Variants in CCNI observed in about 807,000 individuals in gnomAD.
CCNI encodes cyclin I.
A neutral mutation model predicts 34.1 loss-of-function variants in CCNI; 14 were observed. That is an observed-to-expected ratio of 0.41 (90% CI 0.27 to 0.64). The LOEUF is 0.64. Ranked by LOEUF, CCNI falls within the 30% of genes least tolerant of loss-of-function variation. The pLI is 0.31. For missense variants in CCNI, 385 were observed against 440.5 expected (o/e 0.87, Z 1.13); for synonymous variants, 154 against 158.4 (o/e 0.97, Z 0.21).
chr4:77,075,492 C>T lies in CCNI; in HGVS notation c.-64G>A, dbSNP rs1729860170. 2.0e-6 allele frequency: 2 copies of T among 982,730 alleles called. No homozygotes were observed. The highest frequency in any genetic ancestry group is 2.4e-6 in the Non-Finnish European group (2 of 825,812). 60.9% of individuals were successfully genotyped at this position (982,730 alleles called of 1,614,324 possible). A position where few individuals can be genotyped will look rare whatever the true frequency, so the allele number is the denominator to read the frequency against. ...CTCACCTTCTCCTCCTCTTCCTCCT[C>T]CTCCTCCTCCCCGGCAGAGCTGTAG... On this transcript the variant is annotated 5_prime_UTR_variant, in exon 1 of 7. Transcript: ENST00000237654.
Position 77,048,248 on chromosome 4 carries a change from G to A in CCNI, c.1105C>T (p.Pro369Ser), listed in dbSNP as rs1424291196. 2 of 1,613,952 alleles carry A rather than the reference G, an allele frequency of 1.2e-6. No homozygotes were observed. The highest frequency in any genetic ancestry group is 1.7e-5 in the Admixed American group (1 of 59,996). The change falls in exon 7 of 7, where the codon CCA (proline) becomes TCA (serine). Residue 369 changes from proline to serine, a missense_variant. By Grantham distance (74) the Pro-to-Ser change is moderately conservative. Coordinates refer to ENST00000237654, the MANE Select transcript of CCNI (RefSeq NM_006835.3). ...ATGACAGAAACAGGCTGCAAAGGTG[G>A]ACAAGGGGAAGCATGTCCCTCTTGT... is the stretch of plus-strand genomic sequence containing the variant. The part of the protein sequence containing the change: ...SRQEGHASPC[P>S]PLQPVSVM
At chr4:77,074,433 C>T (rs112288302) in intron 1 of CCNI, among the ~76,000 whole-genome samples, 1 of 152,204 alleles carries the variant, frequency 6.6e-6, no homozygotes, top group African/African-American at 2.4e-5. Flanking sequence ...GAAAAGCTAG[C>T]AGCAGATAAC....
chr4:77,063,343 G>GC (rs1728750245), intron 2 of CCNI, among the ~76,000 whole-genome samples: 1 of 74,066 alleles, frequency 1.4e-5, no homozygotes, highest in Non-Finnish European at 2.6e-5. Flanking sequence ...GGAAAGGGAG[G>GC]TAAAAAAAAA....
intron 1 of CCNI, among the ~76,000 whole-genome samples, chr4:77,071,690 AAAG>A (rs1385578426): frequency 2.6e-5 from 4 of 152,204 alleles, no homozygotes; most frequent in Non-Finnish European, 2.9e-5. Flanking sequence ...ACAGAAATAA[AAAG>A]AATTATAAAG....
chr4:77,067,790 T>TAAAAAA (rs375815113), intron 1 of CCNI, among the ~76,000 whole-genome samples: 2 of 98,686 alleles, frequency 2.0e-5, no homozygotes, highest in Non-Finnish European at 2.0e-5. Context: ...CTTCTAGGTT[T>TAAAAAA]AAAAAAAAAA....
rs374754360 is a variant in CCNI, at chr4:77,055,006, T to C, written c.690+144A>G. On this transcript the variant is annotated intron_variant, in intron 6 of 6. Transcript: ENST00000237654. ...AAAAAGAGATCACCTAGCCCGTAAA[T>C]TTAAAATATATACTTTACTCTTGTC... 14 of 561,978 alleles carry C rather than the reference T, an allele frequency of 2.5e-5. No individual in the cohort carries two copies. The East Asian group carries it at 3.6e-4, about 14-fold the overall frequency. The allele number at this position is 561,978 out of a possible 1,614,324, so 34.8% of individuals were successfully genotyped here.
chr4:77,072,158 T>C (rs746502923), intron 1 of CCNI, among the ~76,000 whole-genome samples: 1 of 152,058 alleles, frequency 6.6e-6, no homozygotes, highest in East Asian at 1.9e-4. Flanking sequence ...AAGGATTATA[T>C]ACCATAACCA....
chr4:77,050,457 A>C (rs1441598701), intron 6 of CCNI, among the ~76,000 whole-genome samples: 1 of 152,204 alleles, frequency 6.6e-6, no homozygotes, highest in African/African-American at 2.4e-5. Context: ...ACTGAAAAAT[A>C]CCAGAGGAAA....
intron 3 of CCNI, among the ~76,000 whole-genome samples, chr4:77,056,884 C>A (rs1578239008): frequency 6.6e-6 from 1 of 152,076 alleles, no homozygotes; most frequent in Non-Finnish European, 1.5e-5. Context: ...AGCCACCGTG[C>A]CCGGCCTGAG....
Position 77,048,183 on chromosome 4 carries a change from A to AC in CCNI, c.*35dup. ...CATGTTCTCATTCCCAAAGTAGTCT[A>AC]CCTTAGTTTACACTCAAAGGTAGCA... is the stretch of plus-strand genomic sequence containing the variant. On this transcript the variant is annotated 3_prime_UTR_variant, in exon 7 of 7. Coordinates refer to ENST00000237654, the MANE Select transcript of CCNI (RefSeq NM_006835.3). 1 of 1,540,176 alleles carries AC rather than the reference A, an allele frequency of 6.5e-7. No homozygotes were observed. The highest frequency in any genetic ancestry group is 8.9e-7 in the Non-Finnish European group (1 of 1,124,552).
At chr4:77,067,226 C>T (rs1232948014) in intron 1 of CCNI, among the ~76,000 whole-genome samples, 5 of 151,144 alleles carry the variant, frequency 3.3e-5, no homozygotes, top group South Asian at 2.1e-4. Context: ...GGTGACACTC[C>T]GTCTCAAAAA....
chr4:77,060,974 G>T (rs1728563824), intron 2 of CCNI, among the ~76,000 whole-genome samples: 1 of 152,012 alleles, frequency 6.6e-6, no homozygotes, highest in African/African-American at 2.4e-5. Context: ...ACCCAGGCTG[G>T]TCTTCAACTC....
At chr4:77,053,168 G>A (rs1727983215) in intron 6 of CCNI, among the ~76,000 whole-genome samples, 1 of 152,146 alleles carries the variant, frequency 6.6e-6, no homozygotes, top group Non-Finnish European at 1.5e-5. Context: ...TCTATATTCT[G>A]GGATTGTGTG....
chr4:77,068,227 T>C (rs953077974), intron 1 of CCNI, among the ~76,000 whole-genome samples: 2 of 152,158 alleles, frequency 1.3e-5, no homozygotes, highest in African/African-American at 4.8e-5. Context: ...CTTAGCTGGA[T>C]TTGTTGAAAG....
At chr4:77,056,508 A>G (rs748405465) in intron 3 of CCNI, 185 bp from the exon 4 acceptor site, 25 of 576,214 alleles carry the variant, frequency 4.3e-5, no homozygotes, top group Non-Finnish European at 7.5e-5. Flanking sequence ...AACAGGAAAG[A>G]AAGTTTATTA....
chr4:77,055,401 A>G (rs1402578659), intron 5 of CCNI, 21 bp from the exon 6 acceptor site: 10 of 1,464,576 alleles, frequency 6.8e-6, no homozygotes, highest in African/African-American at 2.8e-5. Context: ...CAAGAACATC[A>G]TTTTAACTTT....
intron 2 of CCNI, among the ~76,000 whole-genome samples, chr4:77,064,153 GA>G (rs1728836552): frequency 6.6e-6 from 1 of 151,546 alleles, no homozygotes; most frequent in Admixed American, 6.6e-5. Flanking sequence ...TGAGGCAAGA[GA>G]ATCACTTGAG....
rs1727517300 is a variant in CCNI, at chr4:77,047,551, C to T, written c.*668G>A. Reference sequence around the variant, plus strand: ...AAATGCTTTCAACAAACCTAAGTGTCCTAATTACATGCCACTTTTAAGCAT... The same window carrying T: ...AAATGCTTTCAACAAACCTAAGTGTTCTAATTACATGCCACTTTTAAGCAT... On this transcript the variant is annotated 3_prime_UTR_variant, in exon 7 of 7. Transcript: ENST00000237654. 6.6e-6 allele frequency: 1 copy of T among 152,098 alleles called. No homozygotes were observed. The highest frequency in any genetic ancestry group is 2.4e-5 in the African/African-American group (1 of 41,394). The allele number at this position is 152,098 out of a possible 1,614,324, so 9.4% of individuals were successfully genotyped here. A position where few individuals can be genotyped will look rare whatever the true frequency, so the allele number is the denominator to read the frequency against.
chr4:77,071,459 A>C (rs536209499), intron 1 of CCNI, among the ~76,000 whole-genome samples: 2 of 152,322 alleles, frequency 1.3e-5, no homozygotes, highest in East Asian at 1.9e-4. Context: ...AAAGAAGAGT[A>C]AACTGTTCCT....
Sources: allele counts gnomAD v4.1 joint callset (sites outside exome capture counted in the v4.1 genomes callset), GRCh38; gene constraint gnomAD v4.1.1; transcripts MANE v1.5; gene names NCBI Gene and HGNC (gene_info 2026-07-23, HGNC 2026-07-21).